Variants in SV2C observed in about 807,000 individuals in gnomAD.
SV2C encodes synaptic vesicle glycoprotein 2C, also known as solute carrier family 22 member B3.
SV2C carries 49 observed loss-of-function variants against 79.7 expected under a neutral mutation model. That is an observed-to-expected ratio of 0.61 (90% CI 0.49 to 0.78). The LOEUF (loss-of-function observed/expected upper bound fraction) is 0.78, where lower values mean the gene tolerates loss of function less well. Ranked by LOEUF, SV2C falls within the 30% of genes least tolerant of loss-of-function variation. The pLI is 0.00. For missense variants in SV2C, 833 were observed against 912.9 expected (o/e 0.91, Z 1.13); for synonymous variants, 334 against 333.2 (o/e 1.00, Z -0.03).
chr5:76,081,043 T>G (rs929728447), upstream of SV2C, among the ~76,000 whole-genome samples: 1 of 152,180 alleles, frequency 6.6e-6, no homozygotes. Flanking sequence ...CAGTGCAACC[T>G]GGTCTTAAAT....
the SV2C span, among the ~76,000 whole-genome samples, chr5:76,057,456 C>T: frequency 6.6e-6 from 1 of 151,178 alleles, no homozygotes; most frequent in African/African-American, 2.4e-5. Flanking sequence ...TCAATTCCCA[C>T]CTATGAGTGA....
At chr5:75,951,892 A>T in the SV2C span, among the ~76,000 whole-genome samples, 2 of 152,036 alleles carry the variant, frequency 1.3e-5, no homozygotes, top group African/African-American at 4.8e-5. Flanking sequence ...GGTATCTCAC[A>T]TAACAGTTCT....
At chr5:75,911,516 C>G in the SV2C span, 1 of 704,268 alleles carries the variant, frequency 1.4e-6, no homozygotes, top group Admixed American at 2.4e-5. Flanking sequence ...ACCACTGGCC[C>G]TAGGGTCTCC....
chr5:76,123,836 T>G (rs1748616055), intron 1 of SV2C, among the ~76,000 whole-genome samples: 1 of 152,192 alleles, frequency 6.6e-6, no homozygotes, highest in African/African-American at 2.4e-5. Context: ...GTGATAAAGT[T>G]CTGTCCTATT....
chr5:76,185,060 C>T (rs1040825315), intron 2 of SV2C, among the ~76,000 whole-genome samples: 4 of 152,140 alleles, frequency 2.6e-5, no homozygotes, highest in Non-Finnish European at 5.9e-5. Flanking sequence ...AGAAATTGGC[C>T]AAAATGAAGG....
At chr5:76,180,366 G>A (rs1474367957) in intron 2 of SV2C, among the ~76,000 whole-genome samples, 5 of 152,102 alleles carry the variant, frequency 3.3e-5, no homozygotes, top group African/African-American at 9.7e-5. Flanking sequence ...TGTTTTTCAC[G>A]CATTTTCTGA....
intron 4 of SV2C, among the ~76,000 whole-genome samples, chr5:76,280,645 G>T (rs1338118304): frequency 2.6e-5 from 4 of 152,124 alleles, no homozygotes; most frequent in African/African-American, 9.7e-5. Flanking sequence ...AGCCTGCCCC[G>T]GCGGCCTCGT....
At chr5:75,991,160 G>A in the SV2C span, among the ~76,000 whole-genome samples, 3 of 151,864 alleles carry the variant, frequency 2.0e-5, no homozygotes, top group Non-Finnish European at 2.9e-5. Flanking sequence ...ACAGTATGTT[G>A]TTTAAAATGT....
At chr5:75,949,355 C>T in the SV2C span, among the ~76,000 whole-genome samples, 4 of 151,884 alleles carry the variant, frequency 2.6e-5, no homozygotes, top group African/African-American at 9.7e-5. Flanking sequence ...GGGGCTTGGG[C>T]AGAGAAGTGA....
chr5:75,957,347 A>G, the SV2C span, among the ~76,000 whole-genome samples: 2 of 152,148 alleles, frequency 1.3e-5, no homozygotes, highest in Admixed American at 6.6e-5. Flanking sequence ...AAGATAGATT[A>G]TAGCCAATAA....
intron 6 of SV2C, among the ~76,000 whole-genome samples, chr5:76,289,217 G>C (rs377477295): frequency 2.6e-5 from 4 of 152,206 alleles, no homozygotes; most frequent in Admixed American, 1.3e-4. Context: ...GCTCTTCTTA[G>C]TGTGCCCTTA....
At chr5:76,240,470 G>A (rs1745751960) in intron 4 of SV2C, among the ~76,000 whole-genome samples, 1 of 152,182 alleles carries the variant, frequency 6.6e-6, no homozygotes, top group South Asian at 2.1e-4. Flanking sequence ...TCGAAGTGCA[G>A]GGGAAGTAAC....
the SV2C span, among the ~76,000 whole-genome samples, chr5:75,979,014 A>T: frequency 6.6e-6 from 1 of 152,204 alleles, no homozygotes; most frequent in Non-Finnish European, 1.5e-5. Flanking sequence ...TGACACACGT[A>T]GCCTCTAAAT....
In SV2C at chr5:76,154,751, A is replaced by G. The variant is rs913247231; in HGVS notation, c.580+22421A>G. ...TCTGGAAATGGCCTGTAAACCAAAA[A>G]GTATCTAAGACAGGTCTTAATCAAT... On this transcript the variant is annotated intron_variant, in intron 2 of 12. Coordinates refer to ENST00000502798, the MANE Select transcript of SV2C (RefSeq NM_014979.4). Among the ~76,000 whole-genome samples, 7 of 152,224 alleles carry G rather than the reference A, an allele frequency of 4.6e-5. No homozygotes were observed. In the East Asian group the frequency reaches 1.2e-3, roughly 25 times the overall value.
chr5:75,926,010 T>A, the SV2C span, among the ~76,000 whole-genome samples: 2 of 151,994 alleles, frequency 1.3e-5, no homozygotes, highest in Admixed American at 1.3e-4. Flanking sequence ...ATTGAAACAC[T>A]AACATCTGAA....
At chr5:75,980,311 T>C in the SV2C span, among the ~76,000 whole-genome samples, 2 of 152,080 alleles carry the variant, frequency 1.3e-5, no homozygotes, top group Non-Finnish European at 2.9e-5. Flanking sequence ...ACTATTCTTA[T>C]TGCAACTATT....
chr5:76,041,397 C>T, the SV2C span, among the ~76,000 whole-genome samples: 1 of 152,116 alleles, frequency 6.6e-6, no homozygotes, highest in Non-Finnish European at 1.5e-5. Context: ...AGAAATTTTG[C>T]TACCCTCTCT....
chr5:75,900,469 C>T, the SV2C span, among the ~76,000 whole-genome samples: 84 of 152,222 alleles, frequency 5.5e-4, no homozygotes, highest in African/African-American at 1.9e-3. Flanking sequence ...GTGGGTAACC[C>T]GACCTTTCTC....
intron 2 of SV2C, among the ~76,000 whole-genome samples, chr5:76,149,186 A>G (rs1311973731): frequency 1.3e-5 from 2 of 152,182 alleles, no homozygotes; most frequent in South Asian, 2.1e-4. Context: ...ATCTCATTTA[A>G]TCAGAATCAC....
Sources: allele counts gnomAD v4.1 joint callset (sites outside exome capture counted in the v4.1 genomes callset), GRCh38; gene constraint gnomAD v4.1.1; transcripts MANE v1.5; gene names NCBI Gene and HGNC (gene_info 2026-07-23, HGNC 2026-07-21).